The following RBMS3 variants were observed in gnomAD, a reference collection of about 807,000 sequenced individuals.
RBMS3 encodes the protein RNA binding motif single stranded interacting protein 3.
RBMS3 carries 27 observed loss-of-function variants against 66.8 expected under a neutral mutation model. The observed-to-expected ratio is 0.40, with a 90% CI of 0.30 to 0.56. The LOEUF (loss-of-function observed/expected upper bound fraction) is 0.56. RBMS3 is among the 20% of genes least tolerant of loss of function. The pLI is 0.40. For missense variants in RBMS3, 513 were observed against 549.5 expected (o/e 0.93, Z 0.66); for synonymous variants, 188 against 183.0 (o/e 1.03, Z -0.22).
Position 29,597,180 on chromosome 3 carries a change from CA to C in RBMS3, c.399+9979del, listed in dbSNP as rs748518913. ...ATGTGTATGCACACATATACATTCC[CA>C]AAATACATGTTTTTTTAAAGATGTT... On this transcript the variant is annotated intron_variant, in intron 4 of 14. Coordinates refer to ENST00000383767, the MANE Select transcript of RBMS3 (RefSeq NM_001003793.3). Among the ~76,000 whole-genome samples, 30 of 152,022 alleles carry C rather than the reference CA, an allele frequency of 2.0e-4. 1 individual carries two copies. The highest frequency in any genetic ancestry group is 4.0e-4 in the Non-Finnish European group (27 of 68,018).
At chr3:29,996,814 A>G (rs1379153707) in intron 14 of RBMS3, among the ~76,000 whole-genome samples, 5 of 152,164 alleles carry the variant, frequency 3.3e-5, no homozygotes, top group Admixed American at 3.3e-4. Flanking sequence ...AAGAGAAAGC[A>G]GGAAAGATCT....
chr3:29,890,746 A>G (rs1450231256), intron 8 of RBMS3, among the ~76,000 whole-genome samples: 2 of 151,784 alleles, frequency 1.3e-5, no homozygotes, highest in Non-Finnish European at 3.0e-5. Context: ...TAACTTTTAT[A>G]TGTATAAAAT....
chr3:29,626,336 G>C (rs1362315009), intron 4 of RBMS3, among the ~76,000 whole-genome samples: 1 of 152,060 alleles, frequency 6.6e-6, no homozygotes, highest in Non-Finnish European at 1.5e-5. Context: ...ATAATAACAG[G>C]AGACTACAAA....
At chr3:29,504,200 G>A (rs980604023) in intron 3 of RBMS3, among the ~76,000 whole-genome samples, 1 of 152,060 alleles carries the variant, frequency 6.6e-6, no homozygotes, top group Non-Finnish European at 1.5e-5. Flanking sequence ...TCACACATAT[G>A]TCTGAGCCGT....
rs1182364236 is a variant in RBMS3, at chr3:30,006,712, C to T, written c.*2850C>T. The T allele has an allele frequency of 2.6e-5, 4 of 151,876 alleles. No individual in the cohort carries two copies. The allele number at this position is 151,876 out of a possible 1,614,324, so 9.4% of individuals were successfully genotyped here. A position where few individuals can be genotyped will look rare whatever the true frequency, so the allele number is the denominator to read the frequency against. ...TTCATTTGAATATGAAACCAACATA[C>T]TTTCTTTCATTTTTGTGAAAAAATA... On this transcript the variant is annotated 3_prime_UTR_variant, in exon 15 of 15. Coordinates refer to ENST00000383767, the MANE Select transcript of RBMS3 (RefSeq NM_001003793.3).
At chr3:29,423,671 C>T (rs2040836971) in intron 1 of RBMS3, among the ~76,000 whole-genome samples, 1 of 152,156 alleles carries the variant, frequency 6.6e-6, no homozygotes, top group Non-Finnish European at 1.5e-5. Context: ...TCTGTGTCTA[C>T]CTGTCAGATA....
chr3:29,305,489 C>A (rs1016265397), intron 1 of RBMS3, among the ~76,000 whole-genome samples: 1 of 151,880 alleles, frequency 6.6e-6, no homozygotes, highest in African/African-American at 2.4e-5. Flanking sequence ...TATGCCTAGA[C>A]CTGGTTCTGT....
intron 1 of RBMS3, among the ~76,000 whole-genome samples, chr3:29,313,393 A>G (rs1380812995): frequency 1.3e-5 from 2 of 151,690 alleles, no homozygotes; most frequent in Non-Finnish European, 2.9e-5. Flanking sequence ...CAATAACTAC[A>G]TTTGCCAAGA....
chr3:29,848,722 T>C (rs1440585921), intron 6 of RBMS3, among the ~76,000 whole-genome samples: 1 of 152,192 alleles, frequency 6.6e-6, no homozygotes, highest in African/African-American at 2.4e-5. Context: ...AGAGAAATTA[T>C]TTTTAAAAAA....
intron 4 of RBMS3, among the ~76,000 whole-genome samples, chr3:29,730,315 C>A (rs1299205617): frequency 1.2e-5 from 1 of 84,758 alleles, no homozygotes; most frequent in Admixed American, 1.7e-4. Flanking sequence ...GGGCGGGGGG[C>A]GGGGATGTCA....
chr3:29,723,813 T>G (rs1293093220), intron 4 of RBMS3, among the ~76,000 whole-genome samples: 1 of 152,194 alleles, frequency 6.6e-6, no homozygotes. Context: ...AAAACTCTCT[T>G]AATGAGTTTC....
intron 1 of RBMS3, among the ~76,000 whole-genome samples, chr3:29,302,617 C>G (rs1164179727): frequency 6.6e-6 from 1 of 151,986 alleles, no homozygotes; most frequent in Non-Finnish European, 1.5e-5. Context: ...ATGTAAATAT[C>G]TAACTTAATC....
At chr3:29,639,593 CAGAG>C (rs60712857) in intron 4 of RBMS3, among the ~76,000 whole-genome samples, 3,096 of 143,070 alleles carry the variant, frequency 0.022, 36 homozygotes, top group Admixed American at 0.03. Context: ...AGAAGATAGA[CAGAG>C]AGAGAGAGAG....
chr3:29,407,833 T>G (rs1035792799), intron 1 of RBMS3, among the ~76,000 whole-genome samples: 1 of 152,210 alleles, frequency 6.6e-6, no homozygotes, highest in Non-Finnish European at 1.5e-5. Context: ...AATATTTTTG[T>G]GCATAAATAT....
At chr3:29,711,762 T>A (rs1028296537) in intron 4 of RBMS3, among the ~76,000 whole-genome samples, 15 of 152,198 alleles carry the variant, frequency 9.9e-5, no homozygotes, top group Admixed American at 9.2e-4. Flanking sequence ...ATACTTTGGA[T>A]AGGGTTATAA....
At chr3:29,646,069 C>G (rs535897869) in intron 4 of RBMS3, among the ~76,000 whole-genome samples, 1 of 152,326 alleles carries the variant, frequency 6.6e-6, no homozygotes, top group South Asian at 2.1e-4. Flanking sequence ...TTAATCTATG[C>G]TGTCCAATAG....
intron 4 of RBMS3, among the ~76,000 whole-genome samples, chr3:29,694,826 C>A (rs2052190267): frequency 6.6e-6 from 1 of 151,976 alleles, no homozygotes; most frequent in Middle Eastern, 3.4e-3. Context: ...ATTTTAAAAT[C>A]TAGCAAAGTA....
intron 1 of RBMS3, among the ~76,000 whole-genome samples, chr3:29,367,307 A>G (rs1340727753): frequency 6.6e-6 from 1 of 152,178 alleles, no homozygotes; most frequent in African/African-American, 2.4e-5. Context: ...ATGCTAAAAC[A>G]TATATTCAAA....
intron 12 of RBMS3, among the ~76,000 whole-genome samples, chr3:29,953,483 C>T (rs1397302670): frequency 6.6e-6 from 1 of 151,830 alleles, no homozygotes; most frequent in African/African-American, 2.4e-5. Flanking sequence ...GAAAGATTTC[C>T]ATAAATTCTT....
Sources: allele counts gnomAD v4.1 joint callset (sites outside exome capture counted in the v4.1 genomes callset), GRCh38; gene constraint gnomAD v4.1.1; transcripts MANE v1.5; gene names NCBI Gene and HGNC (gene_info 2026-07-23, HGNC 2026-07-21).